The following SLC71A2 variants were observed in gnomAD, a reference collection of about 807,000 sequenced individuals.
The protein encoded by SLC71A2 is hippocampus abundant transcript-like 1.
the SLC71A2 span, chr9:94,415,387 T>G: frequency 6.1e-6 from 4 of 657,894 alleles, no homozygotes; most frequent in East Asian, 5.4e-5. Flanking sequence ...GTTTCATTGT[T>G]TTTTTTTTTT....
At chr9:94,439,346 A>G in the SLC71A2 span, among the ~76,000 whole-genome samples, 1 of 149,620 alleles carries the variant, frequency 6.7e-6, no homozygotes, top group Non-Finnish European at 1.5e-5. Flanking sequence ...TCGGGAGAGT[A>G]TTTAGCATGT....
At chr9:94,451,756 A>C in the SLC71A2 span, among the ~76,000 whole-genome samples, 2 of 151,924 alleles carry the variant, frequency 1.3e-5, no homozygotes, top group Non-Finnish European at 2.9e-5. Context: ...TGTAGAGGTT[A>C]TTTTCTTTTT....
At chr9:94,382,416 T>G in the SLC71A2 span, among the ~76,000 whole-genome samples, 1 of 151,828 alleles carries the variant, frequency 6.6e-6, no homozygotes, top group East Asian at 1.9e-4. Flanking sequence ...GTTGGTTGGT[T>G]GTTTTCTTGT....
the SLC71A2 span, among the ~76,000 whole-genome samples, chr9:94,417,291 C>T: frequency 1.3e-5 from 2 of 152,110 alleles, no homozygotes; most frequent in African/African-American, 2.4e-5. Context: ...TGTTGGGTAT[C>T]TGTGACCACC....
the SLC71A2 span, among the ~76,000 whole-genome samples, chr9:94,412,478 G>A: frequency 6.6e-6 from 1 of 152,200 alleles, no homozygotes; most frequent in African/African-American, 2.4e-5. Context: ...ACCCTTATGT[G>A]TATAGCCAAG....
the SLC71A2 span, among the ~76,000 whole-genome samples, chr9:94,416,312 C>T: frequency 1.5e-4 from 23 of 151,890 alleles, no homozygotes; most frequent in Admixed American, 6.5e-4. Flanking sequence ...CTCAGGAGTT[C>T]AAGTCTAGCC....
At chr9:94,433,563 T>C in the SLC71A2 span, among the ~76,000 whole-genome samples, 1 of 151,024 alleles carries the variant, frequency 6.6e-6, no homozygotes, top group Non-Finnish European at 1.5e-5. Flanking sequence ...TTTGGGTACT[T>C]TTTATTATTT....
chr9:94,404,471 T>C, the SLC71A2 span, among the ~76,000 whole-genome samples: 1 of 151,990 alleles, frequency 6.6e-6, no homozygotes, highest in Admixed American at 6.6e-5. Flanking sequence ...AATTTTTGTA[T>C]TTTTACTAGA....
chr9:94,383,227 A>G, the SLC71A2 span, among the ~76,000 whole-genome samples: 5 of 142,254 alleles, frequency 3.5e-5, no homozygotes, highest in African/African-American at 1.1e-4. Context: ...CAGTGGCGCA[A>G]TCTCGGCTCA....
the SLC71A2 span, among the ~76,000 whole-genome samples, chr9:94,415,510 A>G: frequency 6.6e-6 from 1 of 152,034 alleles, no homozygotes; most frequent in Non-Finnish European, 1.5e-5. Flanking sequence ...AACGAACTGT[A>G]TATGTTTAGG....
At chr9:94,389,568 C>T in the SLC71A2 span, among the ~76,000 whole-genome samples, 4 of 150,754 alleles carry the variant, frequency 2.7e-5, no homozygotes, top group Non-Finnish European at 5.9e-5. Flanking sequence ...TGTGAACCTC[C>T]GTGCCCAGCC....
At chr9:94,422,066 T>C in the SLC71A2 span, among the ~76,000 whole-genome samples, 1 of 152,158 alleles carries the variant, frequency 6.6e-6, no homozygotes, top group African/African-American at 2.4e-5. Flanking sequence ...GTATTTTTAG[T>C]AGAGATGGGG....
At chr9:94,429,965 G>A in the SLC71A2 span, among the ~76,000 whole-genome samples, 88 of 148,292 alleles carry the variant, frequency 5.9e-4, no homozygotes, top group African/African-American at 2.0e-3. Context: ...AGTGCAGTGT[G>A]GTGAGATCTC....
chr9:94,452,202 T>C, the SLC71A2 span, among the ~76,000 whole-genome samples: 2 of 152,244 alleles, frequency 1.3e-5, no homozygotes, highest in African/African-American at 4.8e-5. Flanking sequence ...TATTTTAATG[T>C]TGAAAAGTAA....
the SLC71A2 span, chr9:94,451,496 C>G: frequency 1.3e-4 from 197 of 1,574,018 alleles, 1 homozygote; most frequent in African/African-American, 2.3e-3. Flanking sequence ...GCATTCATAG[C>G]TATGGTAGGA....
chr9:94,433,472 A>G, the SLC71A2 span, among the ~76,000 whole-genome samples: 2 of 150,932 alleles, frequency 1.3e-5, no homozygotes, highest in Non-Finnish European at 2.9e-5. Flanking sequence ...TGGGAGTTTG[A>G]GACCAGCCTG....
At chr9:94,413,743 G>T in the SLC71A2 span, among the ~76,000 whole-genome samples, 1 of 151,754 alleles carries the variant, frequency 6.6e-6, no homozygotes, top group Non-Finnish European at 1.5e-5. Flanking sequence ...CAATTCTTTG[G>T]GTTAGGGGTT....
chr9:94,424,574 C>T, the SLC71A2 span, among the ~76,000 whole-genome samples: 3 of 151,936 alleles, frequency 2.0e-5, no homozygotes, highest in East Asian at 5.8e-4. Context: ...GTTCATTTTC[C>T]TCAAGATTGC....
At chr9:94,440,314 C>G in the SLC71A2 span, among the ~76,000 whole-genome samples, 2 of 152,020 alleles carry the variant, frequency 1.3e-5, no homozygotes, top group African/African-American at 4.8e-5. Context: ...CCACCACGCC[C>G]GGCTAAGTTT....
Sources: allele counts gnomAD v4.1 joint callset (sites outside exome capture counted in the v4.1 genomes callset), GRCh38; gene constraint gnomAD v4.1.1; transcripts MANE v1.5; gene names NCBI Gene and HGNC (gene_info 2026-07-23, HGNC 2026-07-21).